The following ZNF704 variants were observed in gnomAD, a reference collection of about 807,000 sequenced individuals.
The protein encoded by ZNF704 is glucocorticoid induced gene 1.
A neutral mutation model predicts 44.7 loss-of-function variants in ZNF704; 10 were observed. That is an observed-to-expected ratio of 0.22 (90% CI 0.14 to 0.38). The LOEUF (loss-of-function observed/expected upper bound fraction) is 0.38, where lower values mean the gene tolerates loss of function less well. Among genes scored for constraint, ZNF704 ranks in the 10% least tolerant of loss-of-function variants. ZNF704 has a pLI of 1.00. For missense variants in ZNF704, 390 were observed against 545.5 expected (o/e 0.71, Z 2.84); for synonymous variants, 211 against 207.6 (o/e 1.02, Z -0.14).
intron 1 of ZNF704, among the ~76,000 whole-genome samples, chr8:80,849,721 G>A (rs182021396): frequency 3.3e-5 from 5 of 152,322 alleles, no homozygotes; most frequent in African/African-American, 9.6e-5. Context: ...TGGCAAGGGT[G>A]ATGGATTTTC....
Position 80,671,537 on chromosome 8 carries a change from C to T in ZNF704, c.559-934G>A, listed in dbSNP as rs57274814. ...AATGCTGACAGGAATAACCATTCAA[C>T]CAACAGCAGCTATTACAGGATTATT... is the stretch of plus-strand genomic sequence containing the variant. On this transcript the variant is annotated intron_variant, in intron 4 of 8. Transcript: ENST00000327835. Among the ~76,000 whole-genome samples, 478 of 152,280 alleles carry T rather than the reference C, an allele frequency of 3.1e-3. 5 individuals are homozygous for T. Among genetic ancestry groups the T allele is most frequent in the Middle Eastern group, 0.01 (3 of 292 alleles).
intron 2 of ZNF704, among the ~76,000 whole-genome samples, chr8:80,816,723 T>A (rs1389642325): frequency 6.6e-6 from 1 of 152,230 alleles, no homozygotes; most frequent in Non-Finnish European, 1.5e-5. Flanking sequence ...GATAAATCTT[T>A]AATTCTAAAG....
chr8:80,854,489 A>G (rs555283512), intron 1 of ZNF704, among the ~76,000 whole-genome samples: 108 of 152,350 alleles, frequency 7.1e-4, no homozygotes, highest in Non-Finnish European at 1.3e-3. Context: ...TAACTGTGAC[A>G]TAGTCTGAAA....
At chr8:80,828,450 T>C (rs1376992325) in intron 1 of ZNF704, among the ~76,000 whole-genome samples, 1 of 152,180 alleles carries the variant, frequency 6.6e-6, no homozygotes, top group Non-Finnish European at 1.5e-5. Context: ...GATGAGTCTA[T>C]CTGGTAATCT....
At chr8:80,736,409 A>G (rs911985317) in intron 2 of ZNF704, among the ~76,000 whole-genome samples, 3 of 152,190 alleles carry the variant, frequency 2.0e-5, no homozygotes, top group Non-Finnish European at 4.4e-5. Flanking sequence ...CCTCCCGAGT[A>G]GCTGGGATTA....
chr8:80,842,152 G>A (rs1808691654), intron 1 of ZNF704, among the ~76,000 whole-genome samples: 1 of 152,008 alleles, frequency 6.6e-6, no homozygotes, highest in Non-Finnish European at 1.5e-5. Context: ...AAATATCCCA[G>A]GAAAAGAGTC....
intron 7 of ZNF704, among the ~76,000 whole-genome samples, chr8:80,650,522 C>T (rs1267195625): frequency 6.6e-6 from 1 of 152,128 alleles, no homozygotes; most frequent in African/African-American, 2.4e-5. Context: ...GACGAATGCA[C>T]AAGCCTCAGT....
intron 1 of ZNF704, among the ~76,000 whole-genome samples, chr8:80,835,745 T>C (rs903104319): frequency 3.9e-5 from 6 of 152,240 alleles, no homozygotes; most frequent in African/African-American, 1.4e-4. Context: ...GGAAAATCCA[T>C]TATCAGTGTG....
chr8:80,756,164 C>G (rs1429266071), intron 2 of ZNF704, among the ~76,000 whole-genome samples: 1 of 151,640 alleles, frequency 6.6e-6, no homozygotes, highest in Non-Finnish European at 1.5e-5. Flanking sequence ...CATCAAAGAA[C>G]ACATGTCGCT....
intron 2 of ZNF704, among the ~76,000 whole-genome samples, chr8:80,743,936 T>C (rs1477236745): frequency 6.6e-6 from 1 of 152,082 alleles, no homozygotes; most frequent in African/African-American, 2.4e-5. Context: ...GACTTAAAGA[T>C]AGTGAAATGT....
At chr8:80,838,849 G>C (rs1808628832) in intron 1 of ZNF704, among the ~76,000 whole-genome samples, 3 of 151,492 alleles carry the variant, frequency 2.0e-5, no homozygotes, top group Admixed American at 2.0e-4. Context: ...GGAGGAAGAG[G>C]GGAGCAGACC....
intron 1 of ZNF704, among the ~76,000 whole-genome samples, chr8:80,821,946 T>A (rs1451416461): frequency 8.5e-5 from 13 of 152,086 alleles, no homozygotes; most frequent in Non-Finnish European, 2.9e-5. Context: ...CTAAGAAAAT[T>A]CAAGTAAACT....
At chr8:80,664,190 G>A (rs146099708) in intron 6 of ZNF704, among the ~76,000 whole-genome samples, 2,239 of 151,884 alleles carry the variant, frequency 0.015, 39 homozygotes, top group African/African-American at 0.042. Context: ...TCCGTCTCTC[G>A]GGTTCAAGCA....
At chr8:80,743,374 T>C (rs1002533954) in intron 2 of ZNF704, among the ~76,000 whole-genome samples, 1 of 152,180 alleles carries the variant, frequency 6.6e-6, no homozygotes, top group East Asian at 1.9e-4. Context: ...AGGATGTGTT[T>C]GTATGAACTT....
Position 80,639,228 on chromosome 8 carries a change from A to G in ZNF704, c.*2138T>C, listed in dbSNP as rs531095502. On this transcript the variant is annotated 3_prime_UTR_variant, in exon 9 of 9. Coordinates refer to ENST00000327835, the MANE Select transcript of ZNF704 (RefSeq NM_001033723.3). The stretch of plus-strand genomic sequence containing the variant: ...CAGGACTGTACCCTGTCATTTAAAC[A>G]CATGGTGAACTTGTTTAAACAGGTG... 6.6e-6 allele frequency: 1 copy of G among 152,360 alleles called. No individual in the cohort carries two copies. The highest frequency in any genetic ancestry group is 1.5e-5 in the Non-Finnish European group (1 of 68,044). The allele number at this position is 152,360 out of a possible 1,614,324, so 9.4% of individuals were successfully genotyped here. A position where few individuals can be genotyped will look rare whatever the true frequency, so the allele number is the denominator to read the frequency against.
intron 2 of ZNF704, among the ~76,000 whole-genome samples, chr8:80,732,302 G>C (rs1257647317): frequency 6.6e-6 from 1 of 151,948 alleles, no homozygotes; most frequent in Non-Finnish European, 1.5e-5. Context: ...TTAATCTTTA[G>C]TTAAATCCAT....
chr8:80,835,589 T>G (rs1389044007), intron 1 of ZNF704, among the ~76,000 whole-genome samples: 1 of 152,160 alleles, frequency 6.6e-6, no homozygotes. Context: ...CAAGATAGGG[T>G]GAACATAGAG....
chr8:80,700,941 A>G (rs923740596), intron 2 of ZNF704, among the ~76,000 whole-genome samples: 1 of 152,104 alleles, frequency 6.6e-6, no homozygotes, highest in East Asian at 1.9e-4. Context: ...TCCCAGAGAC[A>G]GCCAGTCTCT....
intron 1 of ZNF704, among the ~76,000 whole-genome samples, chr8:80,824,062 C>T (rs566697694): frequency 6.6e-6 from 1 of 152,166 alleles, no homozygotes; most frequent in African/African-American, 2.4e-5. Context: ...CAGAACAAAG[C>T]TGGATGGAGA....
Sources: gnomAD v4.1 joint callset for allele counts (sites outside exome capture counted in the v4.1 genomes callset) on GRCh38, gnomAD v4.1.1 for gene constraint, MANE v1.5 for transcripts, NCBI Gene and HGNC (gene_info 2026-07-23, HGNC 2026-07-21) for gene names.